The following PLA2G4A variants were observed in gnomAD, a reference collection of about 807,000 sequenced individuals.
PLA2G4A encodes the protein phospholipase A2 group IVA.
In PLA2G4A, 40 loss-of-function variants were observed where a neutral mutation model predicts 81.9. That is an observed-to-expected ratio of 0.49 (90% confidence interval 0.38 to 0.64). The LOEUF (loss-of-function observed/expected upper bound fraction) is 0.64. Ranked by LOEUF, PLA2G4A falls within the 30% of genes least tolerant of loss-of-function variation. The pLI is 0.00. For missense variants in PLA2G4A, 715 were observed against 905.1 expected (o/e 0.79, Z 2.69); for synonymous variants, 302 against 296.9 (o/e 1.02, Z -0.18).
chr1:186,908,474 C>A (rs935057464), intron 6 of PLA2G4A, among the ~76,000 whole-genome samples: 1 of 151,770 alleles, frequency 6.6e-6, no homozygotes, highest in Admixed American at 6.6e-5. Context: ...CTTATTTACT[C>A]ACTGGTAAAA....
intron 1 of PLA2G4A, among the ~76,000 whole-genome samples, chr1:186,835,484 GCA>G (rs2101997407): frequency 6.6e-6 from 1 of 152,258 alleles, no homozygotes; most frequent in South Asian, 2.1e-4. Flanking sequence ...GTCTAAAGAT[GCA>G]CACAGTTATG....
chr1:186,899,028 C>T (rs1654446244), intron 5 of PLA2G4A, among the ~76,000 whole-genome samples: 1 of 152,168 alleles, frequency 6.6e-6, no homozygotes. Flanking sequence ...AGGAAACTTA[C>T]ATTCTACTTA....
At chr1:186,943,467 T>C (rs1656229269) in intron 10 of PLA2G4A, among the ~76,000 whole-genome samples, 1 of 152,206 alleles carries the variant, frequency 6.6e-6, no homozygotes, top group Admixed American at 6.5e-5. Flanking sequence ...AAGAAAGTTA[T>C]AATCCTATTG....
At chr1:186,890,769 G>T (rs912175068) in intron 3 of PLA2G4A, among the ~76,000 whole-genome samples, 2 of 151,076 alleles carry the variant, frequency 1.3e-5, no homozygotes, top group Non-Finnish European at 2.9e-5. Flanking sequence ...CACGAAAATT[G>T]CTTGAACCAG....
intron 1 of PLA2G4A, among the ~76,000 whole-genome samples, chr1:186,830,371 G>A (rs1651500380): frequency 6.6e-6 from 1 of 152,036 alleles, no homozygotes. Flanking sequence ...ACTTTGGGAG[G>A]CCGAGGCGGG....
intron 3 of PLA2G4A, among the ~76,000 whole-genome samples, chr1:186,884,588 T>A (rs1653861636): frequency 6.6e-6 from 1 of 152,000 alleles, no homozygotes; most frequent in African/African-American, 2.4e-5. Context: ...AGAAGAGAAA[T>A]AAGCCAGGCT....
chr1:186,871,358 T>C (rs1355410344), intron 3 of PLA2G4A, among the ~76,000 whole-genome samples: 1 of 152,204 alleles, frequency 6.6e-6, no homozygotes, highest in Non-Finnish European at 1.5e-5. Context: ...ATGATGAATT[T>C]GATAACATCT....
chr1:186,835,078 C>A (rs565904438), intron 1 of PLA2G4A, among the ~76,000 whole-genome samples: 6 of 152,232 alleles, frequency 3.9e-5, no homozygotes, highest in Admixed American at 3.9e-4. Flanking sequence ...TCAGGTTTTA[C>A]TGCTGGATAC....
intron 3 of PLA2G4A, among the ~76,000 whole-genome samples, chr1:186,876,596 C>T (rs1364209539): frequency 6.6e-6 from 1 of 152,120 alleles, no homozygotes; most frequent in African/African-American, 2.4e-5. Context: ...ATCAACCCGT[C>T]TGTTAAATGT....
chr1:186,898,614 G>A (rs1654431923), intron 5 of PLA2G4A, among the ~76,000 whole-genome samples: 1 of 152,254 alleles, frequency 6.6e-6, no homozygotes, highest in East Asian at 1.9e-4. Context: ...TATAGTCACA[G>A]GAGACCTCTC....
intron 13 of PLA2G4A, among the ~76,000 whole-genome samples, chr1:186,954,829 A>C (rs1656691774): frequency 6.6e-6 from 1 of 152,158 alleles, no homozygotes; most frequent in Non-Finnish European, 1.5e-5. Context: ...TTTGATTTTG[A>C]TTATGAATAA....
At position 186,934,577 on chromosome 1, in the gene PLA2G4A, T is replaced by C. The variant is rs1327904371; in HGVS notation, c.695+1678T>C. 2.0e-5 allele frequency among the ~76,000 whole-genome samples: 3 copies of C among 151,584 alleles called. No individual in the cohort carries two copies. The South Asian group carries it at 6.3e-4, about 32-fold the overall frequency. ...ACACACACACATATATGTATACTTC[T>C]ACTCTATCTTTCACAGTCTTATTTC... On this transcript the variant is annotated intron_variant, in intron 8 of 17. Transcript: ENST00000367466.
intron 1 of PLA2G4A, among the ~76,000 whole-genome samples, chr1:186,840,032 G>C (rs1220809750): frequency 3.0e-5 from 4 of 133,798 alleles, no homozygotes; most frequent in Non-Finnish European, 6.1e-5. Flanking sequence ...CTGAAGCACA[G>C]TGGTGCAATC....
Position 186,965,413 on chromosome 1 carries a change from T to G in PLA2G4A, c.1584T>G (p.Pro528=). ...DDELDAAVAD[P]DEFERIYEPL... ...TTTTTCTTTTATGTTTTTAAGATCC[T>G]GATGAATTTGAGCGAATATATGAGC... The change falls in exon 15 of 18, where the codon CCT becomes CCG. Residue 528 remains proline, a synonymous_variant. Coordinates refer to ENST00000367466, the MANE Select transcript of PLA2G4A (RefSeq NM_024420.3). 2 of 1,589,452 alleles carry G rather than the reference T, an allele frequency of 1.3e-6. No individual in the cohort carries two copies. Among genetic ancestry groups the G allele is most frequent in the African/African-American group, 1.3e-5 (1 of 74,554 alleles).
intron 6 of PLA2G4A, among the ~76,000 whole-genome samples, chr1:186,909,465 A>G (rs1571390679): frequency 6.6e-6 from 1 of 151,432 alleles, no homozygotes; most frequent in South Asian, 2.1e-4. Context: ...GTTCCAGACC[A>G]GGTTGACCAA....
At position 186,956,322 on chromosome 1, in the gene PLA2G4A, T is replaced by C. The variant is rs1193596595; in HGVS notation, c.1557T>C (p.Asp519=). 1.9e-6 allele frequency: 3 copies of C among 1,613,848 alleles called. No individual in the cohort carries two copies. The highest frequency in any genetic ancestry group is 2.7e-5 in the African/African-American group (2 of 75,054). The change falls in exon 14 of 18, where the codon GAT becomes GAC. Residue 519 remains aspartate, a synonymous_variant. Transcript: ENST00000367466. ...CCACACAGGACTCCTTTGATGATGATGAACTGGATGCAGCTGTAGCAGGTA... is the reference window on the plus strand; with the variant it reads ...CCACACAGGACTCCTTTGATGATGACGAACTGGATGCAGCTGTAGCAGGTA... ...DFATQDSFDD[D]ELDAAVADPD... is the part of the protein sequence containing the mutation.
At chr1:186,904,439 T>C (rs1654662673) in intron 5 of PLA2G4A, among the ~76,000 whole-genome samples, 1 of 152,252 alleles carries the variant, frequency 6.6e-6, no homozygotes, top group African/African-American at 2.4e-5. Flanking sequence ...TACGTTTTTA[T>C]CTGAATGACA....
chr1:186,966,940 C>G (rs1203828761), intron 15 of PLA2G4A, among the ~76,000 whole-genome samples: 1 of 152,016 alleles, frequency 6.6e-6, no homozygotes, highest in Admixed American at 6.6e-5. Flanking sequence ...CATTTAGGTA[C>G]TGGCCAAAAT....
chr1:186,833,779 C>T (rs75185351), intron 1 of PLA2G4A, among the ~76,000 whole-genome samples: 7,764 of 152,250 alleles, frequency 0.051, 489 homozygotes, highest in African/African-American at 0.15. Context: ...ACTCAATGCT[C>T]ACCATAAGCA....
Sources: gnomAD v4.1 joint callset for allele counts (sites outside exome capture counted in the v4.1 genomes callset) on GRCh38, gnomAD v4.1.1 for gene constraint, MANE v1.5 for transcripts, NCBI Gene and HGNC (gene_info 2026-07-23, HGNC 2026-07-21) for gene names.